Variants in BRINP3 observed in about 807,000 individuals in gnomAD.
BRINP3 encodes BMP/retinoic acid-inducible neural-specific protein 3.
Under a neutral mutation model 71.0 loss-of-function variants are expected in BRINP3, and 19 were observed. That is an observed-to-expected ratio of 0.27 (90% CI 0.19 to 0.39). The LOEUF is 0.39. Among genes scored for constraint, BRINP3 ranks in the 10% least tolerant of loss-of-function variants. BRINP3 has a pLI of 1.00. For synonymous variants in BRINP3, 380 were observed against 337.7 expected, an observed-to-expected ratio of 1.13 and a Z score of -1.37; for missense variants, 959 against 940.8, an observed-to-expected ratio of 1.02 and a Z score of -0.25.
intron 1 of BRINP3, among the ~76,000 whole-genome samples, chr1:190,458,747 G>A (rs536560226): frequency 6.6e-6 from 1 of 151,882 alleles, no homozygotes; most frequent in Non-Finnish European, 1.5e-5. Flanking sequence ...GAAATCACAA[G>A]TTCCAATGAA....
chr1:190,202,425 G>A (rs755561245), intron 6 of BRINP3, among the ~76,000 whole-genome samples: 10 of 152,092 alleles, frequency 6.6e-5, no homozygotes, highest in Admixed American at 1.3e-4. Flanking sequence ...ATGAGACTTC[G>A]TATTGTGGAC....
At chr1:190,433,678 T>C (rs1674256302) in intron 2 of BRINP3, among the ~76,000 whole-genome samples, 1 of 152,184 alleles carries the variant, frequency 6.6e-6, no homozygotes, top group Non-Finnish European at 1.5e-5. Context: ...GAAATTATTA[T>C]GCTATCTACC....
At chr1:190,138,397 AC>A (rs767957077) in intron 7 of BRINP3, among the ~76,000 whole-genome samples, 280 of 152,344 alleles carry the variant, frequency 1.8e-3, no homozygotes, top group Non-Finnish European at 2.3e-3. Context: ...AGTTAAAAAA[AC>A]AAATCCTTGT....
intron 7 of BRINP3, among the ~76,000 whole-genome samples, chr1:190,158,659 T>C (rs767754544): frequency 6.6e-6 from 1 of 151,554 alleles, no homozygotes; most frequent in Non-Finnish European, 1.5e-5. Flanking sequence ...AAGGTGAAAA[T>C]TCTCAAATTA....
intron 2 of BRINP3, among the ~76,000 whole-genome samples, chr1:190,319,199 G>A (rs994750270): frequency 6.6e-6 from 1 of 151,974 alleles, no homozygotes; most frequent in Non-Finnish European, 1.5e-5. Context: ...TCTAAACCCA[G>A]GATATTTATC....
rs56323142 is a variant in BRINP3 at position 190,187,891 on chromosome 1, GT to G, written c.962-27002del. Among the ~76,000 whole-genome samples the G allele has an allele frequency of 5.3e-5, 8 of 150,152 alleles. 1 individual carries two copies. The South Asian group carries it at 6.3e-4, about 12-fold the overall frequency. ...CTTTTGCAGTATCGTTCAAATTTCA[GT>G]TTTTTTTTCTATTTTTTTTGAAAAA... On this transcript the variant is annotated intron_variant, in intron 6 of 7. Transcript: ENST00000367462.
At chr1:190,165,458 T>TGTGTG (rs1306559925) in intron 6 of BRINP3, among the ~76,000 whole-genome samples, 2 of 106,976 alleles carry the variant, frequency 1.9e-5, no homozygotes, top group African/African-American at 3.8e-5. Context: ...TTTTTTTTTT[T>TGTGTG]TTTGTGTGTG....
At chr1:190,297,830 A>G (rs962197170) in intron 2 of BRINP3, among the ~76,000 whole-genome samples, 1 of 149,362 alleles carries the variant, frequency 6.7e-6, no homozygotes, top group African/African-American at 2.5e-5. Flanking sequence ...GTGTGTGTGC[A>G]TGCTTTTTCT....
At chr1:190,328,106 T>TA (rs1666730985) in intron 2 of BRINP3, among the ~76,000 whole-genome samples, 1 of 152,010 alleles carries the variant, frequency 6.6e-6, no homozygotes, top group Non-Finnish European at 1.5e-5. Context: ...ATCAAAAAGT[T>TA]AGAGAGATCT....
chr1:190,320,143 G>C (rs1666142325), intron 2 of BRINP3, among the ~76,000 whole-genome samples: 1 of 151,886 alleles, frequency 6.6e-6, no homozygotes, highest in African/African-American at 2.4e-5. Flanking sequence ...GATATACACA[G>C]GGTTAACTTC....
At chr1:190,191,595 T>C (rs1654040135) in intron 6 of BRINP3, among the ~76,000 whole-genome samples, 1 of 152,170 alleles carries the variant, frequency 6.6e-6, no homozygotes. Flanking sequence ...TCATTCCTTT[T>C]TATGACTGCA....
chr1:190,162,874 T>A (rs1208502160), intron 6 of BRINP3, among the ~76,000 whole-genome samples: 4 of 152,136 alleles, frequency 2.6e-5, no homozygotes, highest in Non-Finnish European at 5.9e-5. Context: ...ATGAAATCAT[T>A]AAGAGTCACC....
chr1:190,435,737 C>T (rs1202554796), intron 2 of BRINP3, among the ~76,000 whole-genome samples: 8 of 151,886 alleles, frequency 5.3e-5, no homozygotes, highest in East Asian at 1.9e-4. Flanking sequence ...ATTTGTCTTC[C>T]TTCTTACCAG....
At chr1:190,139,241 G>T (rs1655224432) in intron 7 of BRINP3, among the ~76,000 whole-genome samples, 1 of 151,570 alleles carries the variant, frequency 6.6e-6, no homozygotes, top group South Asian at 2.1e-4. Flanking sequence ...TGAGCCTAGG[G>T]GTTTGAGACC....
chr1:190,454,844 G>A lies in BRINP3; in HGVS notation c.47C>T (p.Ala16Val), dbSNP rs1675883935. 1.2e-6 allele frequency: 2 copies of A among 1,614,010 alleles called. No individual in the cohort carries two copies. Among genetic ancestry groups the A allele is most frequent in the East Asian group, 2.2e-5 (1 of 44,884 alleles). The stretch of plus-strand genomic sequence containing the variant: ...ACTCAGTGCTATCCACTCCCATAGA[G>A]CCATCAGAGAGAACAATTCAGCACC... ...RAGAELFSLM[A>V]LWEWIALSLH... Residue 16 changes from alanine (A) to valine (V), a missense_variant, in exon 2 of 8, where the codon GCT becomes GTT. Transcript: ENST00000367462.
At chr1:190,379,929 C>T (rs551329798) in intron 2 of BRINP3, among the ~76,000 whole-genome samples, 4 of 130,964 alleles carry the variant, frequency 3.1e-5, no homozygotes, top group Admixed American at 1.9e-4. Context: ...AACCCAGTGG[C>T]GGAGGTTGCA....
chr1:190,275,576 T>C (rs1212836851), intron 3 of BRINP3, among the ~76,000 whole-genome samples: 2 of 151,724 alleles, frequency 1.3e-5, no homozygotes, highest in East Asian at 3.9e-4. Context: ...ATCATTGACC[T>C]GAATGTTCAT....
Position 190,375,958 on chromosome 1 carries a change from T to TA in BRINP3, c.236+78696dup, listed in dbSNP as rs1469005559. On this transcript the variant is annotated intron_variant, in intron 2 of 7. Transcript: ENST00000367462. ...ATGTAATCTCCATCATAATAAAAAT[T>TA]AAAAAATCATCAGGCATATATATTA... 2.6e-5 allele frequency among the ~76,000 whole-genome samples: 4 copies of TA among 152,018 alleles called. No homozygotes were observed. The East Asian group carries it at 7.7e-4, about 29-fold the overall frequency.
intron 2 of BRINP3, among the ~76,000 whole-genome samples, chr1:190,376,932 A>G (rs1571897937): frequency 1.3e-5 from 2 of 152,174 alleles, no homozygotes; most frequent in South Asian, 4.1e-4. Flanking sequence ...AGTGCTATCC[A>G]GTAAATTTTT....
Sources: gnomAD v4.1 joint callset for allele counts (sites outside exome capture counted in the v4.1 genomes callset) on GRCh38, gnomAD v4.1.1 for gene constraint, MANE v1.5 for transcripts, NCBI Gene and HGNC (gene_info 2026-07-23, HGNC 2026-07-21) for gene names.